Variants in GLIPR2 observed in about 807,000 individuals in gnomAD.
The protein encoded by GLIPR2 is Golgi-associated plant pathogenesis-related protein 1.
Under a neutral mutation model 20.4 loss-of-function variants are expected in GLIPR2, and 21 were observed. That is an observed-to-expected ratio of 1.03 (90% CI 0.73 to 1.48). GLIPR2 has a LOEUF of 1.48. Among genes scored for constraint, GLIPR2 ranks in the 40% most tolerant of loss-of-function variants. The pLI, the probability that GLIPR2 is intolerant of heterozygous loss-of-function variation, is 0.00. For synonymous variants in GLIPR2, 91 were observed against 80.5 expected (o/e 1.13, Z -0.70); for missense variants, 205 against 200.1 (o/e 1.02, Z -0.15).
intron 1 of GLIPR2, among the ~76,000 whole-genome samples, chr9:36,140,881 G>T (rs543764955): frequency 1.1e-4 from 16 of 152,152 alleles, no homozygotes; most frequent in African/African-American, 3.9e-4. Context: ...TCCCGCCTTC[G>T]CTGTGCTGGA....
chr9:36,137,013 T>G (rs1002912927), intron 1 of GLIPR2: 1 of 452,430 alleles, frequency 2.2e-6, no homozygotes, highest in African/African-American at 2.0e-5. Flanking sequence ...TCGCGCCAAG[T>G]TGGGCTTCCC....
At chr9:36,156,431 A>G (rs955095483) in intron 4 of GLIPR2, among the ~76,000 whole-genome samples, 1 of 151,660 alleles carries the variant, frequency 6.6e-6, no homozygotes, top group East Asian at 1.9e-4. Context: ...AGTAAAGCAC[A>G]TATAACTGAA....
intron 1 of GLIPR2, among the ~76,000 whole-genome samples, chr9:36,142,468 C>T (rs183662756): frequency 2.0e-5 from 3 of 152,248 alleles, no homozygotes; most frequent in African/African-American, 7.2e-5. Context: ...CAGAAGATGG[C>T]GAGAAATAAG....
chr9:36,163,119 A>G lies in GLIPR2; in HGVS notation c.*597A>G, dbSNP rs1039763114. The G allele has an allele frequency of 3.6e-5, 10 of 278,844 alleles. No homozygotes were observed. Among genetic ancestry groups the G allele is most frequent in the South Asian group, 2.1e-4 (7 of 33,400 alleles). 17.3% of individuals were successfully genotyped at this position (278,844 alleles called of 1,614,324 possible). On this transcript the variant is annotated 3_prime_UTR_variant, in exon 5 of 5. Transcript: ENST00000377960. ...CCTGCATGCCTCCTGGAATTCTCCA[A>G]TGGGGTCGCCAAACAACAAATGGAG...
intron 4 of GLIPR2, among the ~76,000 whole-genome samples, chr9:36,156,131 A>C (rs937318972): frequency 6.6e-6 from 1 of 152,190 alleles, no homozygotes; most frequent in Non-Finnish European, 1.5e-5. Context: ...AATCGCTTGA[A>C]TCTGGGAGGC....
intron 4 of GLIPR2, among the ~76,000 whole-genome samples, chr9:36,151,879 G>T (rs1299504723): frequency 6.6e-6 from 1 of 152,108 alleles, no homozygotes; most frequent in Non-Finnish European, 1.5e-5. Flanking sequence ...GAGTTTCTCT[G>T]ACCAGAAGGT....
chr9:36,136,598 A>AGGCCCACGGGGTGGCCCCGGGC (rs1318601437), upstream of GLIPR2: 2 of 380,034 alleles, frequency 5.3e-6, no homozygotes, highest in Middle Eastern at 7.0e-4. This position sits in a 1 kb window ranked among gnomAD's most constrained non-coding sequence, Gnocchi z 4.3. Flanking sequence ...GCTCTCCGGG[A>AGGCCCACGGGGTGGCCCCGGGC]GGCCCACGGG....
Position 36,162,733 on chromosome 9 carries a change from T to G in GLIPR2, c.*211T>G. 1 of 581,024 alleles carries G rather than the reference T, an allele frequency of 1.7e-6. No individual in the cohort carries two copies. The highest frequency in any genetic ancestry group is 3.0e-6 in the Non-Finnish European group (1 of 328,752). The allele number at this position is 581,024 out of a possible 1,614,324, so 36.0% of individuals were successfully genotyped here. A position where few individuals can be genotyped will look rare whatever the true frequency, so the allele number is the denominator to read the frequency against. ...TGAGCAAAGGAAGCATTTACCCCGATGGTTACCTAGACCACGATTATTTGG... is the reference window on the plus strand; with the variant it reads ...TGAGCAAAGGAAGCATTTACCCCGAGGGTTACCTAGACCACGATTATTTGG... On this transcript the variant is annotated 3_prime_UTR_variant, in exon 5 of 5. Coordinates refer to ENST00000377960, the MANE Select transcript of GLIPR2 (RefSeq NM_022343.4).
chr9:36,153,565 G>T (rs1475074884), intron 4 of GLIPR2, among the ~76,000 whole-genome samples: 2 of 152,088 alleles, frequency 1.3e-5, no homozygotes, highest in Admixed American at 1.3e-4. Context: ...TCTGTTCATG[G>T]ATTCCCTGAC....
At chr9:36,154,236 A>G (rs1052461174) in intron 4 of GLIPR2, among the ~76,000 whole-genome samples, 1 of 151,580 alleles carries the variant, frequency 6.6e-6, no homozygotes, top group African/African-American at 2.4e-5. Flanking sequence ...TAATATTTTT[A>G]TATGATATGA....
chr9:36,147,980 G>A, intron 2 of GLIPR2, 86 bp downstream of exon 2: 1 of 766,438 alleles, frequency 1.3e-6, no homozygotes. Context: ...AGGCACGATG[G>A]CTCACACCTG....
intron 3 of GLIPR2, among the ~76,000 whole-genome samples, chr9:36,149,628 C>T (rs895737152): frequency 6.6e-6 from 1 of 152,222 alleles, no homozygotes; most frequent in Admixed American, 6.5e-5. Context: ...GTCCCTCCCT[C>T]CTCTGCCCCC....
At chr9:36,162,241 G>A (rs1826087407) in intron 4 of GLIPR2, 121 bp from the exon 5 acceptor site, 1 of 1,594,568 alleles carries the variant, frequency 6.3e-7, no homozygotes, top group Admixed American at 1.8e-5. Flanking sequence ...GGGGGTCTGT[G>A]AAGACCATGC....
At chr9:36,146,808 C>G (rs1825346527) in intron 1 of GLIPR2, among the ~76,000 whole-genome samples, 1 of 152,182 alleles carries the variant, frequency 6.6e-6, no homozygotes, top group South Asian at 2.1e-4. Context: ...AGCCCCACCC[C>G]CATGGCTTAG....
At position 36,163,021 on chromosome 9, in the gene GLIPR2, A is replaced by C; in HGVS notation, c.*499A>C. ...ACATAAATACAAAGCAGCTTCCATCAGGAACATGGAGCAGGCAGGGACTCC... is the reference window on the plus strand; with the variant it reads ...ACATAAATACAAAGCAGCTTCCATCCGGAACATGGAGCAGGCAGGGACTCC... On this transcript the variant is annotated 3_prime_UTR_variant, in exon 5 of 5. Coordinates refer to ENST00000377960, the MANE Select transcript of GLIPR2 (RefSeq NM_022343.4). 1 of 404,166 alleles carries C rather than the reference A, an allele frequency of 2.5e-6. No individual in the cohort carries two copies. The highest frequency in any genetic ancestry group is 4.9e-6 in the Non-Finnish European group (1 of 205,592). 25.0% of individuals were successfully genotyped at this position (404,166 alleles called of 1,614,324 possible). A position where few individuals can be genotyped will look rare whatever the true frequency, so the allele number is the denominator to read the frequency against.
At chr9:36,142,764 C>A (rs1368406599) in intron 1 of GLIPR2, among the ~76,000 whole-genome samples, 1 of 146,552 alleles carries the variant, frequency 6.8e-6, no homozygotes, top group African/African-American at 2.5e-5. Flanking sequence ...GTAGGGTGTG[C>A]TTCTTGCTAG....
At chr9:36,149,294 C>A (rs1020517410) in intron 3 of GLIPR2, among the ~76,000 whole-genome samples, 3 of 152,226 alleles carry the variant, frequency 2.0e-5, no homozygotes, top group Non-Finnish European at 4.4e-5. Flanking sequence ...ATCTCTGAAG[C>A]TTTCTCCAAA....
chr9:36,136,865 C>T lies in GLIPR2; in HGVS notation c.13+74C>T, dbSNP rs907291586. ...CCCGGACCTCGCCGTCTCCCTCGTC[C>T]GCCGCAAGCCAGGTCCTGGGGAGTG... On this transcript the variant is annotated intron_variant, in intron 1 of 4. Transcript: ENST00000377960. This position sits in a 1 kb window ranked among gnomAD's most constrained non-coding sequence, Gnocchi z 4.3. 4.8e-6 allele frequency: 6 copies of T among 1,253,928 alleles called. No homozygotes were observed. In the African/African-American group the frequency reaches 9.3e-5, roughly 20 times the overall value. 77.7% of individuals were successfully genotyped at this position (1,253,928 alleles called of 1,614,324 possible).
In GLIPR2 at chr9:36,150,873, A is replaced by G. The variant is rs1457718919; in HGVS notation, c.228A>G (p.Gly76=). The change falls in exon 4 of 5, where the codon GGA becomes GGG. Residue 76 remains glycine (G), a splice_region_variant and synonymous_variant. Coordinates refer to ENST00000377960, the MANE Select transcript of GLIPR2 (RefSeq NM_022343.4). ...NLAWASYDQT[G]KEVADRWYSE... ...TAGAACAATGTCATTTCCACACAGG[A>G]AAGGAGGTGGCTGATAGATGGTACA... 6.2e-7 allele frequency: 1 copy of G among 1,611,056 alleles called. No individual in the cohort carries two copies. The highest frequency in any genetic ancestry group is 2.2e-5 in the East Asian group (1 of 44,852).
Sources: allele counts gnomAD v4.1 joint callset (sites outside exome capture counted in the v4.1 genomes callset), GRCh38; gene constraint gnomAD v4.1.1; non-coding constraint Gnocchi (gnomAD v3.1); transcripts MANE v1.5; gene names NCBI Gene and HGNC (gene_info 2026-07-23, HGNC 2026-07-21).